The following CDH22 variants were observed in gnomAD, a reference collection of about 807,000 sequenced individuals.
CDH22 encodes the protein cadherin-22.
CDH22 carries 30 observed loss-of-function variants against 58.4 expected under a neutral mutation model. The ratio of observed to expected loss-of-function variants is 0.51; its 90% CI spans 0.38 to 0.70. The LOEUF is 0.70. Among genes scored for constraint, CDH22 ranks in the 30% least tolerant of loss-of-function variants. The pLI is 0.00. For missense variants in CDH22, 1,014 were observed against 1,233.9 expected (o/e 0.82, Z 2.67); for synonymous variants, 513 against 558.2 (o/e 0.92, Z 1.14).
intron 1 of CDH22, among the ~76,000 whole-genome samples, chr20:46,298,871 G>A (rs564214638): frequency 6.6e-6 from 1 of 152,088 alleles, no homozygotes; most frequent in Admixed American, 6.5e-5. Flanking sequence ...CAACCAAGCA[G>A]CTCTGAGTCC....
intron 1 of CDH22, among the ~76,000 whole-genome samples, chr20:46,277,433 T>C (rs1214291109): frequency 2.6e-5 from 4 of 152,196 alleles, no homozygotes; most frequent in Non-Finnish European, 5.9e-5. Context: ...CACGTCTATT[T>C]TTGCAAAAAA....
At chr20:46,214,660 T>TC (rs1199645698) in intron 5 of CDH22, among the ~76,000 whole-genome samples, 1 of 152,146 alleles carries the variant, frequency 6.6e-6, no homozygotes, top group Non-Finnish European at 1.5e-5. Context: ...CCTCCAGGCA[T>TC]CCCCTCTCCC....
intron 2 of CDH22, among the ~76,000 whole-genome samples, chr20:46,249,445 ATCAT>A (rs889890279): frequency 1.3e-5 from 2 of 152,154 alleles, no homozygotes; most frequent in African/African-American, 4.8e-5. Context: ...AATTGTGGGA[ATCAT>A]TCATTCATTC....
At chr20:46,306,123 G>A (rs1190599243) in intron 1 of CDH22, among the ~76,000 whole-genome samples, 1 of 152,262 alleles carries the variant, frequency 6.6e-6, no homozygotes, top group Admixed American at 6.5e-5. Context: ...ACTGGCCTGG[G>A]AGCACTGGGG....
intron 2 of CDH22, among the ~76,000 whole-genome samples, chr20:46,242,843 G>A (rs1376470215): frequency 6.6e-6 from 1 of 152,148 alleles, no homozygotes; most frequent in East Asian, 1.9e-4. Context: ...TATTATTACT[G>A]CATGTTAGCT....
At position 46,287,667 on chromosome 20, in the gene CDH22, G is replaced by A. The variant is rs187734370; in HGVS notation, c.-400+20588C>T. On this transcript the variant is annotated intron_variant, in intron 1 of 11. Coordinates refer to ENST00000537909, the MANE Select transcript of CDH22 (RefSeq NM_021248.3). ...AGGAGGCCACACCGTGCAGGATCTC[G>A]TGGGCCTTGTTAAATTTTAGATTTC... 9.9e-5 allele frequency among the ~76,000 whole-genome samples: 15 copies of A among 151,990 alleles called. No individual in the cohort carries two copies. In the East Asian group the frequency reaches 1.7e-3, roughly 18 times the overall value.
chr20:46,261,178 C>A (rs1377695436), intron 1 of CDH22, among the ~76,000 whole-genome samples: 3 of 152,142 alleles, frequency 2.0e-5, no homozygotes, highest in Non-Finnish European at 4.4e-5. Context: ...CCAGGGCCAA[C>A]ATAAGGTGTA....
At chr20:46,235,489 C>A (rs766007987) in intron 3 of CDH22, among the ~76,000 whole-genome samples, 13 of 152,238 alleles carry the variant, frequency 8.5e-5, no homozygotes, top group Non-Finnish European at 1.8e-4. Context: ...ATCCAACTGT[C>A]CCCTTGACAT....
At chr20:46,179,767 A>G (rs1215762706) in intron 10 of CDH22, among the ~76,000 whole-genome samples, 1 of 152,236 alleles carries the variant, frequency 6.6e-6, no homozygotes, top group African/African-American at 2.4e-5. Context: ...ATTCACACAT[A>G]ACCCTTAGAA....
intron 7 of CDH22, among the ~76,000 whole-genome samples, chr20:46,208,394 T>C (rs1164898261): frequency 6.6e-6 from 1 of 152,182 alleles, no homozygotes; most frequent in Admixed American, 6.5e-5. Flanking sequence ...CTGTGTCTAT[T>C]TCTTCCCTTT....
At chr20:46,250,026 C>T (rs2086358870) in intron 2 of CDH22, among the ~76,000 whole-genome samples, 2 of 152,128 alleles carry the variant, frequency 1.3e-5, no homozygotes, top group African/African-American at 4.8e-5. Flanking sequence ...TCTGGGGATC[C>T]CCAAAGTGGC....
intron 8 of CDH22, among the ~76,000 whole-genome samples, chr20:46,197,942 CAGAGGG>C (rs1200678337): frequency 2.9e-4 from 44 of 152,080 alleles, no homozygotes; most frequent in African/African-American, 9.9e-4. Context: ...GGGCCTGGGG[CAGAGGG>C]GCCTGGGATC....
chr20:46,222,833 C>T lies in CDH22; in HGVS notation c.670+4675G>A, dbSNP rs184425988. On this transcript the variant is annotated intron_variant, in intron 4 of 11. Transcript: ENST00000537909. ...CTGGCATTGGGGCCTCGCGGCGCCCCGCCTCCTCCCTTCCCTCACACCTTC... is the reference window on the plus strand; with the variant it reads ...CTGGCATTGGGGCCTCGCGGCGCCCTGCCTCCTCCCTTCCCTCACACCTTC... Among the ~76,000 whole-genome samples the T allele has an allele frequency of 7.9e-5, 12 of 152,404 alleles. No homozygotes were observed. The South Asian group carries it at 8.3e-4, about 11-fold the overall frequency.
chr20:46,176,894 C>T (rs2085743994), intron 11 of CDH22, among the ~76,000 whole-genome samples: 1 of 152,232 alleles, frequency 6.6e-6, no homozygotes, highest in South Asian at 2.1e-4. Flanking sequence ...CCACCCGTCA[C>T]CTTTAGAGCA....
At chr20:46,220,615 A>G (rs1412990821) in intron 4 of CDH22, 1 of 152,344 alleles carries the variant, frequency 6.6e-6, no homozygotes, top group Non-Finnish European at 1.5e-5. Context: ...TGGGCACCAA[A>G]GGCTCAGTGT....
chr20:46,286,068 G>A (rs1224884905), intron 1 of CDH22, among the ~76,000 whole-genome samples: 1 of 152,236 alleles, frequency 6.6e-6, no homozygotes, highest in Non-Finnish European at 1.5e-5. Context: ...TCCTGGAGAG[G>A]GCTGGCAGGT....
chr20:46,200,299 G>T (rs553328952), intron 7 of CDH22, among the ~76,000 whole-genome samples: 1 of 151,912 alleles, frequency 6.6e-6, no homozygotes, highest in Admixed American at 6.6e-5. Flanking sequence ...TCTTTAGCCA[G>T]GGTCTCACTC....
intron 1 of CDH22, among the ~76,000 whole-genome samples, chr20:46,279,695 T>G (rs1457720831): frequency 6.6e-6 from 1 of 152,150 alleles, no homozygotes; most frequent in Non-Finnish European, 1.5e-5. Context: ...GGGGACCAGA[T>G]TGGAGGTGGT....
intron 1 of CDH22, among the ~76,000 whole-genome samples, chr20:46,291,432 T>C (rs2086602122): frequency 6.6e-6 from 1 of 152,226 alleles, no homozygotes; most frequent in African/African-American, 2.4e-5. Context: ...GGTACTACCA[T>C]AATCCCCGTT....
Sources: allele counts gnomAD v4.1 joint callset (sites outside exome capture counted in the v4.1 genomes callset), GRCh38; gene constraint gnomAD v4.1.1; transcripts MANE v1.5; gene names NCBI Gene and HGNC (gene_info 2026-07-23, HGNC 2026-07-21).